The following PRSS36 variants were observed in gnomAD, a reference collection of about 807,000 sequenced individuals.
The protein encoded by PRSS36 is serine protease 36.
Under a neutral mutation model 94.3 loss-of-function variants are expected in PRSS36, and 90 were observed. That is an observed-to-expected ratio of 0.95 (90% CI 0.80 to 1.14). The LOEUF is 1.14. Ranked by LOEUF, PRSS36 falls within the 50% of genes most tolerant of loss-of-function variation. The pLI is 0.00. For synonymous variants in PRSS36, 500 were observed against 489.6 expected, an observed-to-expected ratio of 1.02 and a Z score of -0.28; for missense variants, 1,158 against 1,135.0, an observed-to-expected ratio of 1.02 and a Z score of -0.29.
At chr16:31,142,409 T>C (rs2057713173) in intron 10 of PRSS36, 72 bp downstream of exon 10, 2 of 1,386,900 alleles carry the variant, frequency 1.4e-6, no homozygotes, top group Admixed American at 6.1e-5. Context: ...TGGACTCGCC[T>C]TCCACAGGCC....
At chr16:31,149,931 C>A in intron 1 of PRSS36, 68 bp downstream of exon 1, 1 of 1,586,282 alleles carries the variant, frequency 6.3e-7, no homozygotes, top group Non-Finnish European at 8.6e-7. Flanking sequence ...AACCAGGAAT[C>A]CTGCTCTCCA....
At position 31,148,395 on chromosome 16, in the gene PRSS36, C is replaced by A; in HGVS notation, c.553G>T (p.Asp185Tyr). ...ATGWGDVQEA[D>Y]PLPLPWVLQE... is the part of the protein sequence containing the mutation. ...TCCCCTCTTGTCCCGTCCCACTCAC[C>A]TGCCTCCTGGACGTCTCCCCAGCCG... The change falls in exon 5 of 15, where the codon GAT (aspartate) becomes TAT (tyrosine). Residue 185 changes from aspartate to tyrosine, a missense_variant and splice_region_variant. Transcript: ENST00000268281. 1 of 1,563,672 alleles carries A rather than the reference C, an allele frequency of 6.4e-7. No individual in the cohort carries two copies. Among genetic ancestry groups the A allele is most frequent in the African/African-American group, 1.4e-5 (1 of 73,044 alleles).
At position 31,150,039 on chromosome 16, in the gene PRSS36, G is replaced by A. The variant is rs199955344; in HGVS notation, c.-4C>T. 3.0e-3 allele frequency: 4,768 copies of A among 1,613,648 alleles called. 155 individuals carry two copies. In the South Asian group the frequency reaches 0.05, roughly 17 times the overall value. On this transcript the variant is annotated 5_prime_UTR_variant, in exon 1 of 15. Transcript: ENST00000268281. ...GGAGGAGCAGGTGCCGGGCCATGGC[G>A]CTAGAGTCAGCGGAGGCAGAGCCAA...
chr16:31,140,027 T>C (rs1377822422), intron 14 of PRSS36, among the ~76,000 whole-genome samples: 2 of 147,580 alleles, frequency 1.4e-5, no homozygotes, highest in Non-Finnish European at 3.0e-5. Flanking sequence ...CCGTCTCTAC[T>C]AAAAATACAA....
chr16:31,143,532 C>A, intron 7 of PRSS36, 56 bp downstream of exon 7: 1 of 1,608,780 alleles, frequency 6.2e-7, no homozygotes, highest in Non-Finnish European at 8.5e-7. Context: ...CCAGCAGTCT[C>A]CATCCCAACT....
Position 31,145,839 on chromosome 16 carries a change from G to T in PRSS36, c.670C>A (p.Pro224Thr), listed in dbSNP as rs750524019. The T allele has an allele frequency of 2.7e-5, 44 of 1,614,032 alleles. No homozygotes were observed. In the South Asian group the frequency reaches 4.7e-4, roughly 17 times the overall value. The change falls in exon 6 of 15, where the codon CCA (proline) becomes ACA (threonine). Residue 224 changes from proline (P) to threonine (T), a missense_variant. By Grantham distance (38) the Pro-to-Thr change is conservative (BLOSUM62 -1). Coordinates refer to ENST00000268281, the MANE Select transcript of PRSS36 (RefSeq NM_173502.5). ...GPFNLTLQILPGMLCAGYPEG... is the reference protein window; with the variant it reads ...GPFNLTLQILTGMLCAGYPEG... ...GGGTAGCCAGCACACAGCATCCCTG[G>T]CAATATCTGGAGAGTGAGGTTGAAG...
At position 31,138,941 on chromosome 16, in the gene PRSS36, T is replaced by C. The variant is rs1045309923; in HGVS notation, c.*197A>G. 3 of 577,758 alleles carry C rather than the reference T, an allele frequency of 5.2e-6. No individual in the cohort carries two copies. The highest frequency in any genetic ancestry group is 6.7e-5 in the Admixed American group (2 of 29,706). 35.8% of individuals were successfully genotyped at this position (577,758 alleles called of 1,614,324 possible). ...ACACAGGTACCTGTGTTTACACCTT[T>C]ATTGTCCGCTCCTCCCACCACCCCC... On this transcript the variant is annotated 3_prime_UTR_variant, in exon 15 of 15. Transcript: ENST00000268281.
At chr16:31,143,240 CG>C in intron 8 of PRSS36, 101 bp downstream of exon 8, 7 of 1,489,258 alleles carry the variant, frequency 4.7e-6, no homozygotes, top group Non-Finnish European at 6.3e-6. Flanking sequence ...AATGGGACCC[CG>C]CCCCCCCCAC....
At chr16:31,145,690 C>A in intron 6 of PRSS36, 99 bp downstream of exon 6, 1 of 1,212,598 alleles carries the variant, frequency 8.2e-7, no homozygotes. Context: ...GGCAATCTTG[C>A]CCTCCTTTTG....
intron 8 of PRSS36, 116 bp downstream of exon 8, chr16:31,143,223 ACCT>A (rs2057741985): frequency 6.9e-7 from 1 of 1,448,428 alleles, no homozygotes; most frequent in Non-Finnish European, 9.3e-7. Context: ...TGGATCCTAC[ACCT>A]CCGAATGGGA....
intron 4 of PRSS36, 25 bp downstream of exon 4, chr16:31,149,048 G>C (rs146320905): frequency 6.4e-7 from 1 of 1,562,512 alleles, no homozygotes; most frequent in East Asian, 2.3e-5. Flanking sequence ...GGCGGAGAGG[G>C]GCCAGGACCA....
At chr16:31,148,932 C>T (rs2057847942) in intron 4 of PRSS36, 141 bp downstream of exon 4, 1 of 1,060,772 alleles carries the variant, frequency 9.4e-7, no homozygotes. Context: ...AACCATGATG[C>T]CTCGAATAGC....
Position 31,141,868 on chromosome 16 carries a change from T to C in PRSS36, c.1614A>G (p.Arg538=). The change falls in exon 11 of 15, where the codon CGA becomes CGG. Residue 538 remains arginine, a synonymous_variant. Transcript: ENST00000268281. ...CATGAGTCTGCAGAGGGAAGAAGGC[T>C]CGGGGACGTAGACAGCCACTGGGAA... ...RDFPSGCLRP[R]AFFPLQTHGP... 4 of 1,614,046 alleles carry C rather than the reference T, an allele frequency of 2.5e-6. No homozygotes were observed. The highest frequency in any genetic ancestry group is 3.4e-6 in the Non-Finnish European group (4 of 1,179,996).
chr16:31,149,167 A>C lies in PRSS36; in HGVS notation c.178T>G (p.Trp60Gly), dbSNP rs1314701097. The C allele has an allele frequency of 6.3e-7, 1 of 1,575,378 alleles. No homozygotes were observed. Among genetic ancestry groups the C allele is most frequent in the Non-Finnish European group, 8.6e-7 (1 of 1,161,470 alleles). ...CCTCCATGGTGCAGGCTCACTTGCC[A>C]AGGCCAGGTGCCCGGCTGCGCGTTT... ...GSNAQPGTWP[W>G]QVSLHHGGGH... Residue 60 changes from tryptophan to glycine, a missense_variant, in exon 4 of 15, where the codon TGG becomes GGG. Transcript: ENST00000268281.
In PRSS36 at chr16:31,141,375, T is replaced by TAAACAAA. The variant is rs1567444583; in HGVS notation, c.1901+93_1901+94insTTTGTTT. 1.4e-5 allele frequency: 11 copies of TAAACAAA among 795,182 alleles called. No homozygotes were observed. In the African/African-American group the frequency reaches 1.8e-4, roughly 13 times the overall value. 49.3% of individuals were successfully genotyped at this position (795,182 alleles called of 1,614,324 possible). A position where few individuals can be genotyped will look rare whatever the true frequency, so the allele number is the denominator to read the frequency against. ...AGCAAGATCTCATTGTTAATTTTTT[T>TAAACAAA]TAAACAAACAAACAAACAAATAACA... On this transcript the variant is annotated intron_variant, in intron 12 of 14. Coordinates refer to ENST00000268281, the MANE Select transcript of PRSS36 (RefSeq NM_173502.5).
At chr16:31,146,317 C>T (rs551222215) in intron 5 of PRSS36, among the ~76,000 whole-genome samples, 2 of 152,292 alleles carry the variant, frequency 1.3e-5, no homozygotes, top group East Asian at 3.9e-4. Flanking sequence ...ATGGTCCTGT[C>T]CTGAGTTGCC....
chr16:31,149,530 CT>C, intron 2 of PRSS36, 32 bp from the exon 3 acceptor site: 2 of 1,613,882 alleles, frequency 1.2e-6, no homozygotes, highest in South Asian at 1.1e-5. Flanking sequence ...GAGGAGGACA[CT>C]TGTGACTTCC....
At chr16:31,147,434 A>G (rs2057814243) in intron 5 of PRSS36, among the ~76,000 whole-genome samples, 1 of 152,120 alleles carries the variant, frequency 6.6e-6, no homozygotes, top group African/African-American at 2.4e-5. Flanking sequence ...AGGCTGTAGC[A>G]TCTTCCCCTG....
In PRSS36 at chr16:31,143,361, G is replaced by A. The variant is rs750186336; in HGVS notation, c.1081C>T (p.Pro361Ser). 12 of 1,606,146 alleles carry A rather than the reference G, an allele frequency of 7.5e-6. No homozygotes were observed. Among genetic ancestry groups the A allele is most frequent in the East Asian group, 4.5e-5 (2 of 44,810 alleles). ...ACTCACTCCAGAAAGCAGCTGGCAGGTGCCAAGACCCAGCTTTCAGACACC... is the reference window on the plus strand; with the variant it reads ...ACTCACTCCAGAAAGCAGCTGGCAGATGCCAAGACCCAGCTTTCAGACACC... ...ALVSESWVLA[P>S]ASCFLDPNSS... The change falls in exon 8 of 15, where the codon CCT (proline) becomes TCT (serine). Residue 361 changes from proline (P) to serine (S), a missense_variant. Physicochemically the swap from Pro to Ser is moderately conservative, Grantham distance 74. Transcript: ENST00000268281.
Sources: gnomAD v4.1 joint callset for allele counts (sites outside exome capture counted in the v4.1 genomes callset) on GRCh38, gnomAD v4.1.1 for gene constraint, MANE v1.5 for transcripts, NCBI Gene and HGNC (gene_info 2026-07-23, HGNC 2026-07-21) for gene names.